The following SLC7A7 variants were observed in gnomAD, a reference collection of about 807,000 sequenced individuals.
The protein encoded by SLC7A7 is Y+L amino acid transporter 1.
Under a neutral mutation model 47.9 loss-of-function variants are expected in SLC7A7, and 39 were observed. The ratio of observed to expected loss-of-function variants is 0.81; its 90% confidence interval spans 0.63 to 1.06. The LOEUF is 1.06. Ranked by LOEUF, SLC7A7 falls within the 50% of genes least tolerant of loss-of-function variation. The pLI is 0.00. For missense variants in SLC7A7, 588 were observed against 632.0 expected (o/e 0.93, Z 0.75); for synonymous variants, 234 against 242.8 (o/e 0.96, Z 0.34).
chr14:22,774,321 A>C, intron 8 of SLC7A7, 33 bp downstream of exon 8: 1 of 1,614,008 alleles, frequency 6.2e-7, no homozygotes, highest in Non-Finnish European at 8.5e-7. Flanking sequence ...CAGCTGTTTC[A>C]GGTGGAGCAG....
intron 2 of SLC7A7, 62 bp downstream of exon 2, chr14:22,812,838 C>T: frequency 6.5e-7 from 1 of 1,533,250 alleles, no homozygotes; most frequent in South Asian, 1.2e-5. Flanking sequence ...TCCCAGACTG[C>T]ACTCACATCC....
chr14:22,813,369 G>A lies in SLC7A7; in HGVS notation c.30C>T (p.Ala10=). MVDSTEYEV[A]SQPEVETSPL... is the part of the protein sequence containing the mutation. ...GGGAGGTTTCCACCTCAGGCTGGGA[G>A]GCCACTTCATACTCAGTGCTGTCAA... The change falls in exon 2 of 10, where the codon GCC becomes GCT. Residue 10 remains alanine, a synonymous_variant. Coordinates refer to ENST00000674313, the MANE Select transcript of SLC7A7 (RefSeq NM_003982.4). The A allele has an allele frequency of 1.2e-6, 2 of 1,613,416 alleles. No individual in the cohort carries two copies. The highest frequency in any genetic ancestry group is 1.7e-6 in the Non-Finnish European group (2 of 1,180,030).
Position 22,813,335 on chromosome 14 carries a change from C to T in SLC7A7, c.64G>A (p.Asp22Asn), listed in dbSNP as rs777499742. 5.0e-6 allele frequency: 8 copies of T among 1,614,008 alleles called. No homozygotes were observed. Among genetic ancestry groups the T allele is most frequent in the South Asian group, 2.2e-5 (2 of 91,088 alleles). ...TGCTCCGGCCCTGGGCTGGCCCCAT[C>T]ACCCAAAGGGGAGGTTTCCACCTCA... ...QPEVETSPLGDGASPGPEQVK... is the reference protein window; with the variant it reads ...QPEVETSPLGNGASPGPEQVK... Residue 22 changes from aspartate to asparagine, a missense_variant, in exon 2 of 10, where the codon GAT (aspartate) becomes AAT (asparagine). By Grantham distance (23) the Asp-to-Asn change is conservative. Transcript: ENST00000674313.
chr14:22,805,827 T>A (rs912223176), intron 2 of SLC7A7, among the ~76,000 whole-genome samples: 1 of 152,142 alleles, frequency 6.6e-6, no homozygotes, highest in Non-Finnish European at 1.5e-5. Context: ...AAATTACCCA[T>A]GTATGCTCAT....
At chr14:22,794,714 C>T in intron 2 of SLC7A7, among the ~76,000 whole-genome samples, 1 of 152,148 alleles carries the variant, frequency 6.6e-6, no homozygotes, top group East Asian at 1.9e-4. Flanking sequence ...TGTATCAGAA[C>T]AGTCGCAACC....
At chr14:22,807,428 G>T (rs1342362876) in intron 2 of SLC7A7, among the ~76,000 whole-genome samples, 1 of 152,092 alleles carries the variant, frequency 6.6e-6, no homozygotes, top group East Asian at 1.9e-4. Context: ...CAGTAGCTGT[G>T]TAGCTTTGTA....
Position 22,812,953 on chromosome 14 carries a change from G to T in SLC7A7, c.446C>A (p.Pro149Gln), listed in dbSNP as rs796145994. ...FANYMVQPLFPSCFAPYAASR... is the reference protein window; with the variant it reads ...FANYMVQPLFQSCFAPYAASR... Reference sequence around the variant, plus strand: ...GGCAGCATAAGGGGCGAAGCAGCTCGGGAAGAGAGGCTGTACCATGTAGTT... The same window carrying T: ...GGCAGCATAAGGGGCGAAGCAGCTCTGGAAGAGAGGCTGTACCATGTAGTT... The change falls in exon 2 of 10, where the codon CCG (proline) becomes CAG (glutamine). Residue 149 changes from proline (P) to glutamine (Q), a missense_variant. Physicochemically the swap from Pro to Gln is moderately conservative, Grantham distance 76. Transcript: ENST00000674313. The T allele has an allele frequency of 7.4e-6, 12 of 1,613,802 alleles. No individual in the cohort carries two copies. Among genetic ancestry groups the T allele is most frequent in the African/African-American group, 1.3e-5 (1 of 74,832 alleles).
chr14:22,794,261 G>A (rs535248778), intron 2 of SLC7A7, among the ~76,000 whole-genome samples: 12 of 152,306 alleles, frequency 7.9e-5, no homozygotes, highest in African/African-American at 2.6e-4. Context: ...AACCCCTTGG[G>A]CAGTTACACC....
chr14:22,780,380 C>G, intron 2 of SLC7A7: 1 of 308,788 alleles, frequency 3.2e-6, no homozygotes, highest in Non-Finnish European at 6.3e-6. Flanking sequence ...GTGATTGTTC[C>G]GGCTCTTGGC....
At chr14:22,796,719 G>A (rs950625550) in intron 2 of SLC7A7, among the ~76,000 whole-genome samples, 4 of 152,142 alleles carry the variant, frequency 2.6e-5, no homozygotes, top group Non-Finnish European at 5.9e-5. Context: ...TGTAGGTAAG[G>A]CAAGAACAGT....
At chr14:22,806,660 G>T (rs2039215047) in intron 2 of SLC7A7, among the ~76,000 whole-genome samples, 1 of 152,034 alleles carries the variant, frequency 6.6e-6, no homozygotes, top group South Asian at 2.1e-4. Flanking sequence ...GAATATATGG[G>T]TAATGGGGTG....
Position 22,773,634 on chromosome 14 carries a change from C to T in SLC7A7, c.1512G>A (p.Lys504=). Residue 504 remains lysine, a synonymous_variant, in exon 10 of 10, where the codon AAG becomes AAA. Coordinates refer to ENST00000674313, the MANE Select transcript of SLC7A7 (RefSeq NM_003982.4). ...TTTAGTTAGATTTGGGATCCCGTTG[C>T]TTGGGCATCTCTCCTCCATCTTCCA... ...MDLEDGGEMP[K]QRDPKSN 6.2e-7 allele frequency: 1 copy of T among 1,614,142 alleles called. No homozygotes were observed. Among genetic ancestry groups the T allele is most frequent in the Non-Finnish European group, 8.5e-7 (1 of 1,179,992 alleles).
At chr14:22,810,488 T>C (rs1363990453) in intron 2 of SLC7A7, among the ~76,000 whole-genome samples, 1 of 124,586 alleles carries the variant, frequency 8.0e-6, no homozygotes, top group Non-Finnish European at 1.7e-5. Context: ...AATAGATTTC[T>C]GGTATTTTAA....
intron 2 of SLC7A7, among the ~76,000 whole-genome samples, chr14:22,785,183 T>A (rs1594954105): frequency 6.6e-6 from 1 of 150,742 alleles, no homozygotes; most frequent in Non-Finnish European, 1.5e-5. Context: ...GAGGCAGAGG[T>A]AGGAGAATCA....
chr14:22,798,538 G>A (rs1369065355), intron 2 of SLC7A7, among the ~76,000 whole-genome samples: 2 of 152,194 alleles, frequency 1.3e-5, no homozygotes, highest in Non-Finnish European at 1.5e-5. Context: ...TTGTAGGGTA[G>A]AGATATTTCA....
intron 2 of SLC7A7, among the ~76,000 whole-genome samples, chr14:22,780,903 C>T (rs2038706177): frequency 6.6e-6 from 1 of 152,110 alleles, no homozygotes; most frequent in Non-Finnish European, 1.5e-5. Context: ...CCTCCCCCAA[C>T]AAAAAAGTTA....
At chr14:22,779,863 A>G in intron 3 of SLC7A7, 63 bp downstream of exon 3, 1 of 1,425,576 alleles carries the variant, frequency 7.0e-7, no homozygotes, top group South Asian at 1.2e-5. Flanking sequence ...AAGAGCACTT[A>G]GAGGAGTGCG....
intron 2 of SLC7A7, among the ~76,000 whole-genome samples, chr14:22,806,135 A>C (rs79357269): frequency 2.0e-4 from 26 of 130,766 alleles, no homozygotes; most frequent in East Asian, 4.4e-4. Flanking sequence ...AAAAAAAAAA[A>C]AAAAACTGTA....
chr14:22,793,724 G>A (rs1345425052), intron 2 of SLC7A7, among the ~76,000 whole-genome samples: 1 of 151,994 alleles, frequency 6.6e-6, no homozygotes, highest in Non-Finnish European at 1.5e-5. Flanking sequence ...GCTGAGGCAG[G>A]AGAATTACTT....
Sources: gnomAD v4.1 joint callset for allele counts (sites outside exome capture counted in the v4.1 genomes callset) on GRCh38, gnomAD v4.1.1 for gene constraint, MANE v1.5 for transcripts, NCBI Gene and HGNC (gene_info 2026-07-23, HGNC 2026-07-21) for gene names.